The following DNASE2B variants were observed in gnomAD, a reference collection of about 807,000 sequenced individuals.
DNASE2B encodes deoxyribonuclease 2 beta, also known as deoxyribonuclease-2-beta.
Under a neutral mutation model 46.0 loss-of-function variants are expected in DNASE2B, and 43 were observed. The ratio of observed to expected loss-of-function variants is 0.94; its 90% CI spans 0.73 to 1.21. The LOEUF is 1.21. Among genes scored for constraint, DNASE2B ranks in the 50% most tolerant of loss-of-function variants. DNASE2B has a pLI of 0.00. For synonymous variants in DNASE2B, 156 were observed against 152.5 expected, an observed-to-expected ratio of 1.02 and a Z score of -0.17; for missense variants, 395 against 414.4, an observed-to-expected ratio of 0.95 and a Z score of 0.41.
rs1026763183 is a variant in DNASE2B at position 84,414,543 on chromosome 1, G to A, written c.761G>A (p.Trp254Ter). Residue 254 changes from tryptophan to a stop codon, truncating the protein, a stop_gained, in exon 6 of 6, where the codon TGG (tryptophan) becomes TAG (stop). Coordinates refer to ENST00000370665, the MANE Select transcript of DNASE2B (RefSeq NM_021233.3). LOFTEE classifies it high-confidence loss of function. ...TAAACCCTAGACATCTTTGCAGCCT[G>A]GATGGCTCAACGGCTGAAGACACAC... is the stretch of plus-strand genomic sequence containing the variant. ...DSFLDDIFAA[W>*]MAQRLKTHLL... The A allele has an allele frequency of 1.2e-6, 2 of 1,610,340 alleles. No individual in the cohort carries two copies. Among genetic ancestry groups the A allele is most frequent in the African/African-American group, 2.7e-5 (2 of 74,708 alleles).
chr1:84,412,573 T>G (rs749678085), intron 5 of DNASE2B, 27 bp downstream of exon 5: 13 of 1,571,498 alleles, frequency 8.3e-6, no homozygotes, highest in Non-Finnish European at 1.1e-5. Flanking sequence ...TCAAACAACA[T>G]GCTGTATAAT....
intron 4 of DNASE2B, 67 bp downstream of exon 4, chr1:84,411,066 A>G (rs1680583349): frequency 2.7e-6 from 4 of 1,470,394 alleles, no homozygotes; most frequent in Non-Finnish European, 3.7e-6. Context: ...AAATATATTC[A>G]TAAATGTGTC....
chr1:84,407,223 A>C (rs903656998), intron 2 of DNASE2B, among the ~76,000 whole-genome samples: 6 of 152,262 alleles, frequency 3.9e-5, no homozygotes, highest in Middle Eastern at 3.4e-3. Flanking sequence ...ATAAAAAATA[A>C]ATTCCTCACT....
At chr1:84,398,729 C>T (rs748873453) in intron 1 of DNASE2B, 40 bp downstream of exon 1, 1 of 1,610,096 alleles carries the variant, frequency 6.2e-7, no homozygotes, top group African/African-American at 1.3e-5. Flanking sequence ...ATGCAAACAG[C>T]CTCGGTACAG....
chr1:84,400,220 T>C (rs556571721), intron 1 of DNASE2B, among the ~76,000 whole-genome samples: 75 of 151,954 alleles, frequency 4.9e-4, no homozygotes, highest in African/African-American at 1.8e-3. Flanking sequence ...AATACAAAAT[T>C]AGCCAGGCAT....
intron 4 of DNASE2B, among the ~76,000 whole-genome samples, chr1:84,412,051 T>G (rs537887152): frequency 6.6e-6 from 1 of 152,320 alleles, no homozygotes; most frequent in East Asian, 1.9e-4. Context: ...TCTCAGTTAA[T>G]TCATCTATAA....
At chr1:84,413,541 C>G (rs905143162) in intron 5 of DNASE2B, among the ~76,000 whole-genome samples, 1 of 152,184 alleles carries the variant, frequency 6.6e-6, no homozygotes, top group African/African-American at 2.4e-5. Flanking sequence ...CACGCAGTCC[C>G]CTGGTCTTTC....
At chr1:84,413,310 A>C (rs1426025016) in intron 5 of DNASE2B, among the ~76,000 whole-genome samples, 2 of 152,106 alleles carry the variant, frequency 1.3e-5, no homozygotes, top group East Asian at 3.9e-4. Flanking sequence ...ATCTCTCCCC[A>C]GTCACCAATG....
chr1:84,409,491 G>A (rs566727428), intron 3 of DNASE2B, among the ~76,000 whole-genome samples: 2 of 152,282 alleles, frequency 1.3e-5, no homozygotes, highest in East Asian at 1.9e-4. Flanking sequence ...CTCTGCAAGC[G>A]CAATAAAATG....
chr1:84,403,793 A>G (rs941496862), intron 2 of DNASE2B, among the ~76,000 whole-genome samples: 3 of 151,548 alleles, frequency 2.0e-5, no homozygotes, highest in African/African-American at 7.3e-5. Flanking sequence ...CAATCTTTAT[A>G]TTTTTTTCTT....
intron 1 of DNASE2B, among the ~76,000 whole-genome samples, chr1:84,400,154 A>C (rs1680380024): frequency 6.6e-6 from 1 of 152,172 alleles, no homozygotes; most frequent in Non-Finnish European, 1.5e-5. Context: ...AGATCACCTG[A>C]GGTCAGGAGT....
Position 84,401,942 on chromosome 1 carries a change from G to A in DNASE2B, c.167G>A (p.Ser56Asn). The change falls in exon 2 of 6, where the codon AGT becomes AAT. Residue 56 changes from serine (S) to asparagine (N), a missense_variant. Physicochemically the swap from Ser to Asn is conservative, Grantham distance 46. Coordinates refer to ENST00000370665, the MANE Select transcript of DNASE2B (RefSeq NM_021233.3). The part of the protein sequence containing the change: ...YKLPKRQNKE[S>N]GETGLEYLYL... The stretch of plus-strand genomic sequence containing the variant: ...TTACCTAAAAGACAAAACAAGGAAA[G>A]TGGAGAGACTGGGTTAGAGTACCTG... 6.4e-7 allele frequency: 1 copy of A among 1,564,454 alleles called. No homozygotes were observed. The highest frequency in any genetic ancestry group is 8.6e-7 in the Non-Finnish European group (1 of 1,161,782).
chr1:84,410,188 C>T (rs1380542584), intron 3 of DNASE2B, among the ~76,000 whole-genome samples: 1 of 152,080 alleles, frequency 6.6e-6, no homozygotes, highest in African/African-American at 2.4e-5. Flanking sequence ...TTTGGTATGT[C>T]ACAAAATGAT....
chr1:84,405,761 T>C (rs540655552), intron 2 of DNASE2B, among the ~76,000 whole-genome samples: 1 of 152,324 alleles, frequency 6.6e-6, no homozygotes, highest in South Asian at 2.1e-4. Flanking sequence ...CTCACCTCAA[T>C]GGTGACAAAA....
chr1:84,402,419 T>C (rs1680437479), intron 2 of DNASE2B, among the ~76,000 whole-genome samples: 1 of 152,228 alleles, frequency 6.6e-6, no homozygotes, highest in South Asian at 2.1e-4. Context: ...GAGCCTCTGC[T>C]GTTACAGGGC....
chr1:84,402,469 G>A (rs983924330), intron 2 of DNASE2B, among the ~76,000 whole-genome samples: 4 of 152,210 alleles, frequency 2.6e-5, no homozygotes, highest in African/African-American at 7.2e-5. Context: ...GTTATGGATT[G>A]TTTATATCAT....
At chr1:84,402,774 A>G (rs1015312261) in intron 2 of DNASE2B, among the ~76,000 whole-genome samples, 1 of 152,218 alleles carries the variant, frequency 6.6e-6, no homozygotes, top group Non-Finnish European at 1.5e-5. Context: ...GTGGCAAGTA[A>G]AATCAAGCCA....
chr1:84,408,849 T>C (rs1680539897), intron 3 of DNASE2B, among the ~76,000 whole-genome samples: 2 of 151,716 alleles, frequency 1.3e-5, no homozygotes, highest in Non-Finnish European at 2.9e-5. Context: ...CACATGAATA[T>C]GTATATATGT....
intron 4 of DNASE2B, among the ~76,000 whole-genome samples, chr1:84,411,581 CACA>C (rs886197650): frequency 2.0e-5 from 3 of 151,814 alleles, no homozygotes; most frequent in African/African-American, 7.3e-5. Flanking sequence ...CCTTGTAGGC[CACA>C]AACATGACAC....
Sources: allele counts gnomAD v4.1 joint callset (sites outside exome capture counted in the v4.1 genomes callset), GRCh38; gene constraint gnomAD v4.1.1; transcripts MANE v1.5; gene names NCBI Gene and HGNC (gene_info 2026-07-23, HGNC 2026-07-21).